Variants in MAU2 observed in about 807,000 individuals in gnomAD.
MAU2 encodes MAU2 chromatid cohesion factor homolog.
MAU2 carries 9 observed loss-of-function variants against 89.1 expected under a neutral mutation model. That is an observed-to-expected ratio of 0.10 (90% CI 0.06 to 0.18). The LOEUF (loss-of-function observed/expected upper bound fraction) is 0.18, where lower values mean the gene tolerates loss of function less well. Ranked by LOEUF, MAU2 falls within the 10% of genes least tolerant of loss-of-function variation. The probability of loss-of-function intolerance (pLI) is 1.00; values close to 1 mark genes in which losing one functional copy is unlikely to be tolerated. For missense variants in MAU2, 425 were observed against 803.5 expected (o/e 0.53, Z 5.69); for synonymous variants, 357 against 343.4 (o/e 1.04, Z -0.44).
chr19:19,347,479 T>G lies in MAU2; in HGVS notation c.1308+113T>G, dbSNP rs1013348873. On this transcript the variant is annotated intron_variant, in intron 13 of 18. Coordinates refer to ENST00000262815, the MANE Select transcript of MAU2 (RefSeq NM_015329.4). ...CTCAGCAGACCCCAGGGTGTTCACC[T>G]TTTGAGGGATGGGCGGCACCCGACA... 5 of 775,408 alleles carry G rather than the reference T, an allele frequency of 6.4e-6. No individual in the cohort carries two copies. In the African/African-American group the frequency reaches 8.7e-5, roughly 13 times the overall value. The allele number at this position is 775,408 out of a possible 1,614,324, so 48.0% of individuals were successfully genotyped here. A position where few individuals can be genotyped will look rare whatever the true frequency, so the allele number is the denominator to read the frequency against.
chr19:19,337,523 C>T (rs900482348), intron 4 of MAU2, among the ~76,000 whole-genome samples: 1 of 152,244 alleles, frequency 6.6e-6, no homozygotes, highest in African/African-American at 2.4e-5. Context: ...GGGGCTTCCC[C>T]GGGGCCAACA....
At chr19:19,351,236 G>A (rs1260016252) in intron 16 of MAU2, among the ~76,000 whole-genome samples, 7 of 151,690 alleles carry the variant, frequency 4.6e-5, no homozygotes, top group Non-Finnish European at 8.8e-5. Flanking sequence ...TTTTGGTAGA[G>A]ACTGGGTCTC....
chr19:19,328,099 T>C (rs2061525683), intron 1 of MAU2, among the ~76,000 whole-genome samples: 1 of 149,702 alleles, frequency 6.7e-6, no homozygotes, highest in African/African-American at 2.5e-5. Flanking sequence ...GGTCGAGGCA[T>C]CAGTGAGCCG....
chr19:19,331,415 T>C (rs959434069), intron 1 of MAU2, among the ~76,000 whole-genome samples: 1 of 151,072 alleles, frequency 6.6e-6, no homozygotes, highest in Non-Finnish European at 1.5e-5. Context: ...GGCAGGAGAA[T>C]GGCGTGAACC....
At chr19:19,329,890 A>G (rs148655849) in intron 1 of MAU2, among the ~76,000 whole-genome samples, 3,874 of 152,150 alleles carry the variant, frequency 0.025, 119 homozygotes, top group South Asian at 0.12. Flanking sequence ...TGAGAATTCA[A>G]GGTTACAGTG....
intron 1 of MAU2, among the ~76,000 whole-genome samples, chr19:19,322,882 T>G (rs893237495): frequency 6.6e-5 from 10 of 152,156 alleles, no homozygotes; most frequent in African/African-American, 2.4e-4. Context: ...CTTTATTTTA[T>G]TTTATTTTAT....
chr19:19,340,801 G>T, intron 5 of MAU2, 45 bp from the exon 6 acceptor site: 1 of 1,607,650 alleles, frequency 6.2e-7, no homozygotes, highest in East Asian at 2.2e-5. Flanking sequence ...ATCCCAGGAG[G>T]CTCCTGGGCC....
At chr19:19,336,039 G>A in intron 2 of MAU2, 83 bp from the exon 3 acceptor site, 1 of 984,322 alleles carries the variant, frequency 1.0e-6, no homozygotes, top group Non-Finnish European at 1.6e-6. Context: ...TGCAGACCTT[G>A]GCAGGGTAGG....
At chr19:19,343,399 T>C (rs2051512782) in intron 9 of MAU2, among the ~76,000 whole-genome samples, 1 of 152,216 alleles carries the variant, frequency 6.6e-6, no homozygotes, top group African/African-American at 2.4e-5. Context: ...CAAAGCCGGA[T>C]AGGCCCTGTG....
chr19:19,322,364 G>A (rs777075822), intron 1 of MAU2, among the ~76,000 whole-genome samples: 5 of 152,126 alleles, frequency 3.3e-5, no homozygotes, highest in Admixed American at 2.0e-4. Flanking sequence ...TTTGGGAGGC[G>A]GAGGCAGACA....
intron 6 of MAU2, 69 bp from the exon 7 acceptor site, chr19:19,341,183 C>G: frequency 2.0e-6 from 3 of 1,538,006 alleles, no homozygotes; most frequent in South Asian, 2.4e-5. Flanking sequence ...GGCAGGTGAC[C>G]CTGTGCTCCC....
intron 1 of MAU2, chr19:19,334,127 T>C (rs1340160276): frequency 1.0e-6 from 1 of 979,484 alleles, no homozygotes; most frequent in African/African-American, 1.8e-5. Context: ...GCCCCCAACT[T>C]CTGCTCTTCT....
chr19:19,348,881 C>A lies in MAU2; in HGVS notation c.1309-8C>A, dbSNP rs747596175. On this transcript the variant is annotated splice_polypyrimidine_tract_variant and splice_region_variant and intron_variant, in intron 13 of 18. Transcript: ENST00000262815. ...CAGAATGGTGCTGACTGGCTCTTTC[C>A]CCCGCAGCTCTACAGTCTGCTGGAG... 2 of 1,613,900 alleles carry A rather than the reference C, an allele frequency of 1.2e-6. No homozygotes were observed. The highest frequency in any genetic ancestry group is 2.7e-5 in the African/African-American group (2 of 74,914).
In MAU2 at chr19:19,345,808, G is replaced by A. The variant is rs572274557; in HGVS notation, c.1221+439G>A. On this transcript the variant is annotated intron_variant, in intron 12 of 18. Coordinates refer to ENST00000262815, the MANE Select transcript of MAU2 (RefSeq NM_015329.4). The surrounding 1 kb of genome is among the most constrained non-coding windows in gnomAD (Gnocchi z 4.9). ...GGAGGACTCTTGGTCCTGCTGGGCC[G>A]GAGAGGGTGAAGCAGCACCCCAGGC... Among the ~76,000 whole-genome samples the A allele has an allele frequency of 5.3e-5, 8 of 152,272 alleles. No homozygotes were observed. Among genetic ancestry groups the A allele is most frequent in the South Asian group, 4.1e-4 (2 of 4,828 alleles).
At chr19:19,335,833 T>A in intron 2 of MAU2, 98 bp downstream of exon 2, 1 of 1,415,190 alleles carries the variant, frequency 7.1e-7, no homozygotes, top group Non-Finnish European at 1.0e-6. Context: ...ACATGCCCTG[T>A]GAGTTGAGGC....
chr19:19,329,638 T>C (rs1318237372), intron 1 of MAU2, among the ~76,000 whole-genome samples: 2 of 152,032 alleles, frequency 1.3e-5, no homozygotes, highest in Non-Finnish European at 2.9e-5. Flanking sequence ...ATGCTGTGCT[T>C]CCATCCCAGA....
At chr19:19,342,719 G>C (rs191654042) in intron 8 of MAU2, 38 bp downstream of exon 8, 3 of 1,613,316 alleles carry the variant, frequency 1.9e-6, no homozygotes, top group Non-Finnish European at 2.5e-6. Context: ...GGCTGGGGGC[G>C]GGGGCAGGGA....
At chr19:19,355,583 T>C (rs1180624442) in intron 18 of MAU2, 125 bp from the exon 19 acceptor site, 16 of 1,189,402 alleles carry the variant, frequency 1.3e-5, no homozygotes, top group Non-Finnish European at 1.7e-5. Flanking sequence ...TCGGGGCCCA[T>C]TGGACTGGGG....
intron 1 of MAU2, among the ~76,000 whole-genome samples, chr19:19,326,691 A>ATATATATACATATATATATATATACGTAT (rs1555792830): frequency 9.1e-6 from 1 of 109,448 alleles, no homozygotes; most frequent in Non-Finnish European, 1.9e-5. Flanking sequence ...CTCAAAAAAA[A>ATATATATACATATATATATATATACGTAT]ATATATATAT....
Sources: gnomAD v4.1 joint callset for allele counts (sites outside exome capture counted in the v4.1 genomes callset) on GRCh38, gnomAD v4.1.1 for gene constraint, Gnocchi (gnomAD v3.1) non-coding constraint, MANE v1.5 for transcripts, NCBI Gene and HGNC (gene_info 2026-07-23, HGNC 2026-07-21) for gene names.